The following PTPRR variants were observed in gnomAD, a reference collection of about 807,000 sequenced individuals.
The protein encoded by PTPRR is receptor-type tyrosine-protein phosphatase R.
In PTPRR, 38 loss-of-function variants were observed where a neutral mutation model predicts 77.2. The observed-to-expected ratio is 0.49, with a 90% CI of 0.38 to 0.65. PTPRR has a LOEUF of 0.65. Among genes scored for constraint, PTPRR ranks in the 30% least tolerant of loss-of-function variants. The pLI is 0.00. For missense variants in PTPRR, 744 were observed against 799.2 expected (o/e 0.93, Z 0.83); for synonymous variants, 299 against 283.1 (o/e 1.06, Z -0.57).
At chr12:70,907,398 C>T (rs943964873) in intron 1 of PTPRR, among the ~76,000 whole-genome samples, 1 of 152,130 alleles carries the variant, frequency 6.6e-6, no homozygotes, top group African/African-American at 2.4e-5. Context: ...GTCAGCCCAG[C>T]ATAAATACTC....
At position 70,684,706 on chromosome 12, in the gene PTPRR, T is replaced by C; in HGVS notation, c.1357A>G (p.Arg453Gly). The change falls in exon 9 of 14, where the codon AGG (arginine) becomes GGG (glycine). Residue 453 changes from arginine to glycine, a missense_variant and splice_region_variant. Arg to Gly is a moderately radical substitution (Grantham distance 125). This residue lies in a region of PTPRR where 570 missense variants were observed against 573.2 expected (regional missense o/e 0.99). Coordinates refer to ENST00000283228, the MANE Select transcript of PTPRR (RefSeq NM_002849.4). ...LSTYINANYI[R>G]GYSGKEKAFI... The stretch of plus-strand genomic sequence containing the variant: ...GAAATTTGTACTTATTTACTTACCC[T>C]AATATAATTAGCATTAATGTAGGTG... 6.3e-7 allele frequency: 1 copy of C among 1,579,556 alleles called. No individual in the cohort carries two copies. The highest frequency in any genetic ancestry group is 8.7e-7 in the Non-Finnish European group (1 of 1,154,322).
At chr12:70,646,340 C>G (rs1886197929) in intron 13 of PTPRR, among the ~76,000 whole-genome samples, 1 of 152,098 alleles carries the variant, frequency 6.6e-6, no homozygotes. Flanking sequence ...CCAATTCTGA[C>G]CAGGTATTTT....
chr12:70,899,899 T>C (rs1454569341), intron 1 of PTPRR, among the ~76,000 whole-genome samples: 1 of 151,420 alleles, frequency 6.6e-6, no homozygotes, highest in Non-Finnish European at 1.5e-5. Flanking sequence ...TAGCAATGTA[T>C]AATTGAAAAC....
chr12:70,827,578 C>T (rs1452176067), intron 2 of PTPRR, among the ~76,000 whole-genome samples: 1 of 150,606 alleles, frequency 6.6e-6, no homozygotes, highest in Admixed American at 6.6e-5. Flanking sequence ...CAGAGTCTCA[C>T]TATGTTACCC....
At chr12:70,755,037 G>A (rs1224299184) in intron 4 of PTPRR, among the ~76,000 whole-genome samples, 1 of 152,080 alleles carries the variant, frequency 6.6e-6, no homozygotes, top group Non-Finnish European at 1.5e-5. Context: ...TGAATAAAGT[G>A]TGCATGACTC....
chr12:70,663,807 T>G (rs1456090608), intron 10 of PTPRR, among the ~76,000 whole-genome samples: 1 of 152,208 alleles, frequency 6.6e-6, no homozygotes, highest in Non-Finnish European at 1.5e-5. Flanking sequence ...ACATAGAAAT[T>G]CTTTCATTTG....
chr12:70,662,161 C>T (rs1022234482), intron 11 of PTPRR, among the ~76,000 whole-genome samples: 20 of 150,990 alleles, frequency 1.3e-4, no homozygotes, highest in African/African-American at 4.4e-4. Flanking sequence ...ATCAAAATGA[C>T]ATTAAAAAAA....
At position 70,821,950 on chromosome 12, in the gene PTPRR, C is replaced by T. The variant is rs1374531901; in HGVS notation, c.358-57172G>A. Among the ~76,000 whole-genome samples the T allele has an allele frequency of 7.9e-5, 12 of 152,280 alleles. No individual in the cohort carries two copies. The East Asian group carries it at 1.5e-3, about 20-fold the overall frequency. Reference sequence around the variant, plus strand: ...AAGTGCTGGGATTACAGGCATGAGCCACCACGCCCGGCCGAAACCTATGTA... The same window carrying T: ...AAGTGCTGGGATTACAGGCATGAGCTACCACGCCCGGCCGAAACCTATGTA... On this transcript the variant is annotated intron_variant, in intron 2 of 13. Transcript: ENST00000283228.
At position 70,811,760 on chromosome 12, in the gene PTPRR, G is replaced by A. The variant is rs1381929731; in HGVS notation, c.358-46982C>T. On this transcript the variant is annotated intron_variant, in intron 2 of 13. Transcript: ENST00000283228. Reference sequence around the variant, plus strand: ...TTGCCATGTCCACACTACCAATGAGGAAGCAACAGATGAAGGGCAGAGAGG... The same window carrying A: ...TTGCCATGTCCACACTACCAATGAGAAAGCAACAGATGAAGGGCAGAGAGG... Among the ~76,000 whole-genome samples the A allele has an allele frequency of 5.9e-5, 9 of 152,184 alleles. No homozygotes were observed. The South Asian group carries it at 1.9e-3, about 32-fold the overall frequency.
At chr12:70,908,721 G>A (rs1239949471) in intron 1 of PTPRR, among the ~76,000 whole-genome samples, 1 of 152,122 alleles carries the variant, frequency 6.6e-6, no homozygotes, top group African/African-American at 2.4e-5. Flanking sequence ...CCCTGTCCTG[G>A]TCTCCCTTGC....
intron 2 of PTPRR, among the ~76,000 whole-genome samples, chr12:70,888,083 A>G (rs7971578): frequency 0.061 from 9,340 of 152,052 alleles, 458 homozygotes; most frequent in African/African-American, 0.14. Context: ...GCAGATCACC[A>G]TAACAAAAAT....
intron 1 of PTPRR, among the ~76,000 whole-genome samples, chr12:70,897,685 G>T (rs1211703481): frequency 6.6e-6 from 1 of 151,958 alleles, no homozygotes; most frequent in Non-Finnish European, 1.5e-5. Context: ...AAATCGTGCT[G>T]CTATAAAGAC....
chr12:70,790,828 G>A (rs1387422984), intron 2 of PTPRR, among the ~76,000 whole-genome samples: 2 of 151,966 alleles, frequency 1.3e-5, no homozygotes, highest in Non-Finnish European at 2.9e-5. Context: ...GGTGACAGAA[G>A]GAGACTCCAT....
In PTPRR at chr12:70,638,435, C is replaced by T. The variant is rs1170807725; in HGVS notation, c.*749G>A. 1.3e-5 allele frequency: 2 copies of T among 152,562 alleles called. No individual in the cohort carries two copies. Among genetic ancestry groups the T allele is most frequent in the African/African-American group, 4.8e-5 (2 of 41,432 alleles). The allele number at this position is 152,562 out of a possible 1,614,324, so 9.5% of individuals were successfully genotyped here. ...GTTTTTCCCTTTTAAAGTAAAATGACTCACGATGTGGAAATACAGTGGATA... is the reference window on the plus strand; with the variant it reads ...GTTTTTCCCTTTTAAAGTAAAATGATTCACGATGTGGAAATACAGTGGATA... On this transcript the variant is annotated 3_prime_UTR_variant, in exon 14 of 14. Coordinates refer to ENST00000283228, the MANE Select transcript of PTPRR (RefSeq NM_002849.4).
intron 10 of PTPRR, among the ~76,000 whole-genome samples, chr12:70,675,190 T>C (rs925050266): frequency 3.9e-5 from 6 of 152,200 alleles, no homozygotes; most frequent in African/African-American, 1.2e-4. Flanking sequence ...CTTTCCATTT[T>C]AACATTTCTG....
At chr12:70,779,224 A>G (rs752239971) in intron 2 of PTPRR, among the ~76,000 whole-genome samples, 1 of 151,558 alleles carries the variant, frequency 6.6e-6, no homozygotes, top group Non-Finnish European at 1.5e-5. Flanking sequence ...AAATCCTGCA[A>G]CAACTTTCTA....
intron 2 of PTPRR, among the ~76,000 whole-genome samples, chr12:70,873,751 T>A (rs1893000811): frequency 6.6e-6 from 1 of 151,460 alleles, no homozygotes; most frequent in Non-Finnish European, 1.5e-5. Context: ...ATCATGAGAA[T>A]ATACCAGGGA....
chr12:70,893,508 A>C (rs539161577), intron 1 of PTPRR, among the ~76,000 whole-genome samples: 78 of 152,086 alleles, frequency 5.1e-4, no homozygotes, highest in African/African-American at 1.8e-3. Context: ...TCAGTAGTCC[A>C]AACAATATCC....
At chr12:70,673,276 C>T (rs1316098269) in intron 10 of PTPRR, among the ~76,000 whole-genome samples, 1 of 152,086 alleles carries the variant, frequency 6.6e-6, no homozygotes, top group Non-Finnish European at 1.5e-5. Flanking sequence ...CTGCTAAAAC[C>T]CTGATTCAAG....
Sources: gnomAD v4.1 joint callset for allele counts (sites outside exome capture counted in the v4.1 genomes callset) on GRCh38, gnomAD v4.1.1 for gene constraint, gnomAD v4.1.1 regional missense constraint, MANE v1.5 for transcripts, NCBI Gene and HGNC (gene_info 2026-07-23, HGNC 2026-07-21) for gene names.